SYT3: variants seen among roughly 807,000 people sequenced by gnomAD.
SYT3 encodes the protein synaptotagmin-3.
In SYT3, 25 loss-of-function variants were observed where a neutral mutation model predicts 50.6. The ratio of observed to expected loss-of-function variants is 0.49; its 90% CI spans 0.36 to 0.69. The LOEUF (loss-of-function observed/expected upper bound fraction) is 0.69, where lower values mean the gene tolerates loss of function less well. Ranked by LOEUF, SYT3 falls within the 30% of genes least tolerant of loss-of-function variation. The pLI is 0.00. For missense variants in SYT3, 589 were observed against 793.6 expected (o/e 0.74, Z 3.10); for synonymous variants, 323 against 353.9 (o/e 0.91, Z 0.98).
At position 50,637,197 on chromosome 19, in the gene SYT3, G is replaced by T; in HGVS notation, c.148+67C>A. The stretch of plus-strand genomic sequence containing the variant: ...CCCACAAGCAATGGAAAGCTGAGCA[G>T]TTCTGCTCCGAGTCTCCTGGCCATA... On this transcript the variant is annotated intron_variant, in intron 3 of 10. Transcript: ENST00000600079. This position sits in a 1 kb window ranked among gnomAD's most constrained non-coding sequence, Gnocchi z 4.9. The T allele has an allele frequency of 6.3e-7, 1 of 1,576,200 alleles. No homozygotes were observed. Among genetic ancestry groups the T allele is most frequent in the Non-Finnish European group, 8.7e-7 (1 of 1,154,276 alleles).
At position 50,632,189 on chromosome 19, in the gene SYT3, C is replaced by T; in HGVS notation, c.674+97G>A. ...TCCAGGAGTCAATACCCCGATTCCC[C>T]TCCAAATCCCGAACTCATAAGAGCT... is the stretch of plus-strand genomic sequence containing the variant. On this transcript the variant is annotated intron_variant, in intron 4 of 10. Transcript: ENST00000600079. The surrounding 1 kb of genome is among the most constrained non-coding windows in gnomAD (Gnocchi z 4.7). 7.4e-7 allele frequency: 1 copy of T among 1,353,724 alleles called. No individual in the cohort carries two copies. The highest frequency in any genetic ancestry group is 1.0e-6 in the Non-Finnish European group (1 of 1,002,296). The allele number at this position is 1,353,724 out of a possible 1,614,324, so 83.9% of individuals were successfully genotyped here.
intron 9 of SYT3, among the ~76,000 whole-genome samples, chr19:50,623,986 GGGT>G (rs1258453240): frequency 7.3e-5 from 11 of 150,682 alleles, no homozygotes; most frequent in African/African-American, 2.7e-4. Flanking sequence ...TTAAGGAGAG[GGGT>G]TCCTGCTCCA....
chr19:50,632,136 A>T lies in SYT3; in HGVS notation c.674+150T>A. 1.2e-6 allele frequency: 1 copy of T among 856,972 alleles called. No homozygotes were observed. Among genetic ancestry groups the T allele is most frequent in the Non-Finnish European group, 1.7e-6 (1 of 577,498 alleles). The allele number at this position is 856,972 out of a possible 1,614,324, so 53.1% of individuals were successfully genotyped here. Reference sequence around the variant, plus strand: ...CAACCTCCCTCAGATCCAGGAGTCTAGGGCCCCAGCCTCCTCTTTCCCTAA... The same window carrying T: ...CAACCTCCCTCAGATCCAGGAGTCTTGGGCCCCAGCCTCCTCTTTCCCTAA... On this transcript the variant is annotated intron_variant, in intron 4 of 10. Transcript: ENST00000600079. This position sits in a 1 kb window ranked among gnomAD's most constrained non-coding sequence, Gnocchi z 4.7.
At chr19:50,657,251 G>C in the SYT3 span, among the ~76,000 whole-genome samples, 975 of 152,256 alleles carry the variant, frequency 6.4e-3, 16 homozygotes, top group African/African-American at 0.022. Context: ...TGCTGTCCTC[G>C]TTTTAGGGAT....
chr19:50,623,123 C>A (rs1983909636), intron 9 of SYT3, among the ~76,000 whole-genome samples: 1 of 150,840 alleles, frequency 6.6e-6, no homozygotes, highest in South Asian at 2.1e-4. Context: ...CCACAGGGAG[C>A]ATGAGGGGCT....
chr19:50,642,559 T>C (rs1016316562), upstream of SYT3, among the ~76,000 whole-genome samples: 2 of 152,212 alleles, frequency 1.3e-5, no homozygotes, highest in African/African-American at 4.8e-5. Context: ...TCTGGCTGGG[T>C]GCAGTGGCAC....
upstream of SYT3, among the ~76,000 whole-genome samples, chr19:50,642,554 C>T (rs1280397674): frequency 6.6e-6 from 1 of 152,250 alleles, no homozygotes; most frequent in Non-Finnish European, 1.5e-5. Context: ...CATACTCTGG[C>T]TGGGTGCAGT....
At chr19:50,651,225 T>TG in the SYT3 span, among the ~76,000 whole-genome samples, 1 of 152,208 alleles carries the variant, frequency 6.6e-6, no homozygotes, top group African/African-American at 2.4e-5. Flanking sequence ...TCTTTAGTCT[T>TG]GGGGCTCAAG....
Position 50,629,483 on chromosome 19 carries a change from G to A in SYT3, c.1092C>T (p.Phe364=), listed in dbSNP as rs1984200518. 6.2e-7 allele frequency: 1 copy of A among 1,613,810 alleles called. No individual in the cohort carries two copies. Among genetic ancestry groups the A allele is most frequent in the African/African-American group, 1.3e-5 (1 of 74,890 alleles). ...GCACCGAGAATTGAAACGTCTCATT[G>A]AAGACGGGGTTCAGGGTCTTCCTGT... is the stretch of plus-strand genomic sequence containing the variant. ...KVHRKTLNPV[F]NETFQFSVPL... Residue 364 remains phenylalanine (F), a synonymous_variant, in exon 6 of 11, where the codon TTC becomes TTT. Coordinates refer to ENST00000600079, the MANE Select transcript of SYT3 (RefSeq NM_001160329.2).
chr19:50,623,684 C>T lies in SYT3; in HGVS notation c.1708-929G>A, dbSNP rs1294797522. Among the ~76,000 whole-genome samples, 25 of 148,094 alleles carry T rather than the reference C, an allele frequency of 1.7e-4. No individual in the cohort carries two copies. In the South Asian group the frequency reaches 1.8e-3, roughly 10 times the overall value. ...GGGTGAGGTGGCACACGCCTGTAGT[C>T]CCAGCTACTTGGGAGGCTGAAGCAG... On this transcript the variant is annotated intron_variant, in intron 9 of 10. Coordinates refer to ENST00000600079, the MANE Select transcript of SYT3 (RefSeq NM_001160329.2).
intron 9 of SYT3, among the ~76,000 whole-genome samples, chr19:50,623,775 C>T (rs190256196): frequency 4.3e-4 from 65 of 151,614 alleles, no homozygotes; most frequent in African/African-American, 1.3e-3. Context: ...TGCACTCCAG[C>T]CTGGGTGACA....
chr19:50,632,305 T>A lies in SYT3; in HGVS notation c.655A>T (p.Ser219Cys). ...PSAQSHQQVT[S>C]LAPTTRYPAL... The stretch of plus-strand genomic sequence containing the variant: ...TCTCACCTGGTAGTGGGTGCCAGGC[T>A]TGTGACCTGCTGATGTGACTGGGCA... Residue 219 changes from serine to cysteine, a missense_variant, in exon 4 of 11, where the codon AGC (serine) becomes TGC (cysteine). By Grantham distance (112) the Ser-to-Cys change is moderately radical. Transcript: ENST00000600079. This position sits in a 1 kb window ranked among gnomAD's most constrained non-coding sequence, Gnocchi z 4.7. 1.3e-6 allele frequency: 2 copies of A among 1,581,908 alleles called. No homozygotes were observed. The highest frequency in any genetic ancestry group is 1.7e-6 in the Non-Finnish European group (2 of 1,157,396).
chr19:50,657,999 A>G, the SYT3 span: 5 of 1,531,236 alleles, frequency 3.3e-6, no homozygotes, highest in Non-Finnish European at 4.4e-6. Flanking sequence ...CCCGAGGAGG[A>G]TTTTACCCAC....
chr19:50,645,501 A>G, the SYT3 span, among the ~76,000 whole-genome samples: 1 of 152,204 alleles, frequency 6.6e-6, no homozygotes, highest in Non-Finnish European at 1.5e-5. Flanking sequence ...AGAGAAAGAC[A>G]GGGAGAGAAA....
chr19:50,626,697 A>G (rs1329458020), intron 6 of SYT3, among the ~76,000 whole-genome samples: 3 of 150,796 alleles, frequency 2.0e-5, no homozygotes, highest in African/African-American at 2.4e-5. Context: ...ACAGAGAGAT[A>G]GAGACCCAGA....
intron 2 of SYT3, among the ~76,000 whole-genome samples, chr19:50,638,561 T>C (rs1235136086): frequency 1.3e-5 from 2 of 151,186 alleles, no homozygotes; most frequent in African/African-American, 4.9e-5. Flanking sequence ...AAGTCAAGGA[T>C]TGAGACTTGG....
intron 3 of SYT3, among the ~76,000 whole-genome samples, chr19:50,636,346 T>C (rs1257574934): frequency 3.3e-5 from 5 of 152,204 alleles, no homozygotes; most frequent in African/African-American, 9.7e-5. Flanking sequence ...AGGGTGGTCA[T>C]GGGCACCTCC....
intron 4 of SYT3, among the ~76,000 whole-genome samples, chr19:50,630,377 C>T (rs925703860): frequency 3.3e-5 from 5 of 151,090 alleles, no homozygotes; most frequent in South Asian, 2.1e-4. Context: ...GGGGGCATTC[C>T]TTCTCTCCCT....
chr19:50,645,753 G>A, the SYT3 span, among the ~76,000 whole-genome samples: 2 of 152,038 alleles, frequency 1.3e-5, no homozygotes, highest in African/African-American at 2.4e-5. Context: ...TGGTGTGTGC[G>A]CCTGTAGTTC....
Sources: allele counts gnomAD v4.1 joint callset (sites outside exome capture counted in the v4.1 genomes callset), GRCh38; gene constraint gnomAD v4.1.1; non-coding constraint Gnocchi (gnomAD v3.1); transcripts MANE v1.5; gene names NCBI Gene and HGNC (gene_info 2026-07-23, HGNC 2026-07-21).